LRCH2: variants seen among roughly 807,000 people sequenced by gnomAD.
LRCH2 encodes leucine-rich repeat and calponin homology domain-containing protein 2.
Under a neutral mutation model 68.9 loss-of-function variants are expected in LRCH2, and 38 were observed. The observed-to-expected ratio is 0.55, with a 90% confidence interval of 0.43 to 0.72. The LOEUF is 0.72. Among genes scored for constraint, LRCH2 ranks in the 30% least tolerant of loss-of-function variants. LRCH2 has a pLI of 0.00. For synonymous variants in LRCH2, 191 were observed against 208.1 expected (o/e 0.92, Z 0.71); for missense variants, 528 against 572.9 (o/e 0.92, Z 0.80).
chrX:115,151,223 T>C lies in LRCH2; in HGVS notation c.1530-1153A>G, dbSNP rs182628295. Among the ~76,000 whole-genome samples, 10 of 111,605 alleles carry C rather than the reference T, an allele frequency of 9.0e-5. No homozygotes were observed. In the East Asian group the frequency reaches 2.5e-3, roughly 28 times the overall value. ...AAGAGGACTTTTCAACCCTCCTTTCTACTAGCTCCAGAATCTACAGATTTT... is the reference window on the plus strand; with the variant it reads ...AAGAGGACTTTTCAACCCTCCTTTCCACTAGCTCCAGAATCTACAGATTTT... On this transcript the variant is annotated intron_variant, in intron 12 of 20. Transcript: ENST00000317135.
chrX:115,224,681 C>CA (rs782620582), intron 1 of LRCH2, among the ~76,000 whole-genome samples: 7,685 of 55,950 alleles, frequency 0.14, 439 homozygotes, highest in African/African-American at 0.25. Flanking sequence ...GAGACTCTGT[C>CA]AAAAAAAAAA....
chrX:115,190,958 TAGG>T, intron 1 of LRCH2: 3 of 990,237 alleles, frequency 3.0e-6, no homozygotes, highest in Non-Finnish European at 3.9e-6. Flanking sequence ...CGCTACGGAG[TAGG>T]AGGCCACTAT....
chrX:115,133,794 T>C (rs2072265962), intron 14 of LRCH2, among the ~76,000 whole-genome samples: 1 of 111,699 alleles, frequency 9.0e-6, no homozygotes, highest in Admixed American at 9.6e-5. Context: ...TCCTATTCCC[T>C]GACACACAAT....
chrX:115,121,604 C>G (rs1046684272), intron 20 of LRCH2, among the ~76,000 whole-genome samples: 1 of 112,236 alleles, frequency 8.9e-6, no homozygotes, highest in African/African-American at 3.2e-5. Context: ...GAGACGAGAT[C>G]GTGCCACTGC....
At chrX:115,156,203 G>A (rs1302690616) in intron 12 of LRCH2, among the ~76,000 whole-genome samples, 1 of 111,592 alleles carries the variant, frequency 9.0e-6, no homozygotes, top group Non-Finnish European at 1.9e-5. Context: ...ATTCATATAT[G>A]TGGATTTATA....
intron 5 of LRCH2, among the ~76,000 whole-genome samples, chrX:115,177,492 A>G (rs977263123): frequency 9.0e-6 from 1 of 111,616 alleles, no homozygotes; most frequent in Non-Finnish European, 1.9e-5. Context: ...GAGCGTCTCA[A>G]CATTCAGTAT....
intron 14 of LRCH2, among the ~76,000 whole-genome samples, chrX:115,145,196 A>T (rs2147367371): frequency 8.9e-6 from 1 of 111,990 alleles, no homozygotes; most frequent in East Asian, 2.8e-4. Flanking sequence ...ACACGGGGGA[A>T]AAGACAGTCT....
intron 1 of LRCH2, among the ~76,000 whole-genome samples, chrX:115,227,946 G>T (rs1340753566): frequency 9.0e-6 from 1 of 111,647 alleles, no homozygotes; most frequent in Non-Finnish European, 1.9e-5. Context: ...GAAAAGGAAA[G>T]AACTTACTTT....
chrX:115,200,339 CAA>C (rs1260625986), intron 1 of LRCH2, among the ~76,000 whole-genome samples: 1 of 110,147 alleles, frequency 9.1e-6, no homozygotes, highest in Non-Finnish European at 1.9e-5. Context: ...ATTAAAAAAA[CAA>C]AGAGTTGATT....
chrX:115,177,913 T>C (rs183375055), intron 5 of LRCH2, among the ~76,000 whole-genome samples: 24 of 110,907 alleles, frequency 2.2e-4, no homozygotes. Context: ...GTGTTCTACA[T>C]GTGTATTTAA....
chrX:115,163,727 G>T lies in LRCH2; in HGVS notation c.1412C>A (p.Thr471Asn). 8.3e-7 allele frequency: 1 copy of T among 1,200,774 alleles called. No homozygotes were observed. The highest frequency in any genetic ancestry group is 2.2e-5 in the Admixed American group (1 of 45,208). The change falls in exon 11 of 21, where the codon ACT (threonine) becomes AAT (asparagine). Residue 471 changes from threonine (T) to asparagine (N), a missense_variant. Coordinates refer to ENST00000317135, the MANE Select transcript of LRCH2 (RefSeq NM_020871.4). The stretch of plus-strand genomic sequence containing the variant: ...CTGAGCAGCTATTTTCCTCAAATCA[G>T]TTACTTCCTTCAAATCATCATCCTC... ...EEEDDDLKEV[T>N]DLRKIAAQLL...
At chrX:115,145,864 TG>T (rs2072378080) in intron 14 of LRCH2, among the ~76,000 whole-genome samples, 1 of 111,753 alleles carries the variant, frequency 8.9e-6, no homozygotes, top group Non-Finnish European at 1.9e-5. Flanking sequence ...ACGAACAATA[TG>T]GAGAACAGTT....
At chrX:115,211,539 A>G (rs1472721045) in intron 1 of LRCH2, among the ~76,000 whole-genome samples, 1 of 111,986 alleles carries the variant, frequency 8.9e-6, no homozygotes, top group Admixed American at 9.5e-5. Flanking sequence ...GCAAAGATAG[A>G]CTGAATGACA....
chrX:115,178,607 C>A (rs2072668917), intron 5 of LRCH2, among the ~76,000 whole-genome samples: 1 of 111,976 alleles, frequency 8.9e-6, no homozygotes, highest in Non-Finnish European at 1.9e-5. Flanking sequence ...TGCCTTCTCC[C>A]ATAGCAGGCA....
intron 1 of LRCH2, among the ~76,000 whole-genome samples, chrX:115,215,849 T>C (rs1172404474): frequency 9.1e-6 from 1 of 110,345 alleles, no homozygotes; most frequent in Admixed American, 9.8e-5. Flanking sequence ...TTGGCAAGGC[T>C]ATTTTGAATT....
chrX:115,188,118 T>C (rs1166913719), intron 2 of LRCH2, 108 bp downstream of exon 2: 3 of 508,184 alleles, frequency 5.9e-6, no homozygotes, highest in East Asian at 8.1e-5. Context: ...TAAGATACTG[T>C]TGAGATAAAT....
chrX:115,115,214 A>G (rs2072072215), intron 20 of LRCH2, among the ~76,000 whole-genome samples: 1 of 110,654 alleles, frequency 9.0e-6, no homozygotes, highest in African/African-American at 3.3e-5. Context: ...CAATCCTAAA[A>G]TTGATATGGA....
intron 2 of LRCH2, 113 bp downstream of exon 2, chrX:115,188,113 T>C (rs1350386672): frequency 2.0e-6 from 1 of 496,499 alleles, no homozygotes; most frequent in Non-Finnish European, 3.1e-6. Context: ...ACAAATAAGA[T>C]ACTGTTGAGA....
chrX:115,174,422 CTT>C (rs1253334781), intron 5 of LRCH2, among the ~76,000 whole-genome samples: 1 of 104,503 alleles, frequency 9.6e-6, no homozygotes, highest in African/African-American at 3.5e-5. Flanking sequence ...AGGAGTTCAA[CTT>C]TTTTTTTTTA....
Sources: allele counts gnomAD v4.1 joint callset (sites outside exome capture counted in the v4.1 genomes callset), GRCh38; gene constraint gnomAD v4.1.1; transcripts MANE v1.5; gene names NCBI Gene and HGNC (gene_info 2026-07-23, HGNC 2026-07-21).